Variants in DCDC2 observed in about 807,000 individuals in gnomAD.
DCDC2 encodes the protein doublecortin domain-containing protein 2.
In DCDC2, 40 loss-of-function variants were observed where a neutral mutation model predicts 50.2. That is an observed-to-expected ratio of 0.80 (90% CI 0.62 to 1.04). DCDC2 has a LOEUF of 1.04. DCDC2 is among the 50% of genes least tolerant of loss of function. The pLI, the probability that DCDC2 is intolerant of heterozygous loss-of-function variation, is 0.00. For synonymous variants in DCDC2, 234 were observed against 210.6 expected (o/e 1.11, Z -0.96); for missense variants, 570 against 581.9 (o/e 0.98, Z 0.21).
At chr6:24,265,054 A>C (rs1477226366) in intron 7 of DCDC2, among the ~76,000 whole-genome samples, 2 of 152,158 alleles carry the variant, frequency 1.3e-5, no homozygotes, top group Non-Finnish European at 2.9e-5. Flanking sequence ...TAATCCCAGC[A>C]CTGTGGGAGA....
chr6:24,372,418 CA>C, the DCDC2 span, among the ~76,000 whole-genome samples: 711 of 131,444 alleles, frequency 5.4e-3, 2 homozygotes, highest in African/African-American at 0.014. Flanking sequence ...GTCTCCGTCT[CA>C]AAAAAAAAAA....
At chr6:24,251,712 G>A (rs1169806030) in intron 7 of DCDC2, among the ~76,000 whole-genome samples, 1 of 152,082 alleles carries the variant, frequency 6.6e-6, no homozygotes, top group Non-Finnish European at 1.5e-5. Flanking sequence ...TAAAAACCTA[G>A]GATGGATTTC....
At chr6:24,328,974 T>G (rs574205016) in intron 2 of DCDC2, among the ~76,000 whole-genome samples, 1 of 152,198 alleles carries the variant, frequency 6.6e-6, no homozygotes, top group Non-Finnish European at 1.5e-5. Context: ...ATTAGTTTTT[T>G]CCAGTCTCCA....
chr6:24,287,642 C>T (rs775451965), intron 6 of DCDC2, among the ~76,000 whole-genome samples: 14 of 152,338 alleles, frequency 9.2e-5, no homozygotes, highest in African/African-American at 2.9e-4. Context: ...CGCATGCCCA[C>T]GTCTGCCCCA....
chr6:24,294,591 G>A (rs183758670), intron 4 of DCDC2, among the ~76,000 whole-genome samples: 1 of 151,954 alleles, frequency 6.6e-6, no homozygotes, highest in Admixed American at 6.6e-5. Flanking sequence ...TAATAAAGGA[G>A]AAAAGAGAGA....
intron 7 of DCDC2, among the ~76,000 whole-genome samples, chr6:24,266,852 A>C (rs1051203152): frequency 6.6e-6 from 1 of 152,168 alleles, no homozygotes; most frequent in African/African-American, 2.4e-5. Context: ...AGATATCTGC[A>C]CTCCATGTTT....
At chr6:24,229,957 A>G (rs1323236804) in intron 7 of DCDC2, among the ~76,000 whole-genome samples, 1 of 152,138 alleles carries the variant, frequency 6.6e-6, no homozygotes, top group Non-Finnish European at 1.5e-5. Flanking sequence ...TGACCCACCC[A>G]GCCTGCTCTT....
chr6:24,372,039 A>G, the DCDC2 span, among the ~76,000 whole-genome samples: 2 of 152,254 alleles, frequency 1.3e-5, no homozygotes, highest in African/African-American at 4.8e-5. Context: ...AACTAGTTCA[A>G]CCATTGTGGA....
chr6:24,224,314 A>G (rs78765800), intron 7 of DCDC2, among the ~76,000 whole-genome samples: 3,913 of 152,308 alleles, frequency 0.026, 88 homozygotes, highest in African/African-American at 0.056. Context: ...CTAAAGATAC[A>G]AAGAACCAGA....
chr6:24,269,819 G>A (rs1195940365), intron 7 of DCDC2, among the ~76,000 whole-genome samples: 1 of 151,872 alleles, frequency 6.6e-6, no homozygotes, highest in Non-Finnish European at 1.5e-5. Flanking sequence ...AGAAAAGAGG[G>A]TCTAAATGCT....
At position 24,357,617 on chromosome 6, in the gene DCDC2, T is replaced by C; in HGVS notation, c.134A>G (p.Glu45Gly). 1 of 1,613,478 alleles carries C rather than the reference T, an allele frequency of 6.2e-7. No individual in the cohort carries two copies. Among genetic ancestry groups the C allele is most frequent in the Non-Finnish European group, 8.5e-7 (1 of 1,180,038 alleles). ...GCCGGTCACCTCCTTCAGGAAGACT[T>C]CGAAGCTGGACACCTTCTTCTCATG... The part of the protein sequence containing the change: ...VIHEKKVSSF[E>G]VFLKEVTGGV... The change falls in exon 1 of 10, where the codon GAA becomes GGA. Residue 45 changes from glutamate (E) to glycine (G), a missense_variant. Glu to Gly is a moderately conservative substitution (Grantham distance 98). Transcript: ENST00000378454.
At chr6:24,190,992 G>A (rs1271091751) in intron 8 of DCDC2, among the ~76,000 whole-genome samples, 2 of 152,158 alleles carry the variant, frequency 1.3e-5, no homozygotes, top group Admixed American at 6.6e-5. Flanking sequence ...AGACAGGACC[G>A]CTGTGCTAAT....
chr6:24,358,906 TA>T (rs1167116882), upstream of DCDC2, among the ~76,000 whole-genome samples: 1 of 20,404 alleles, frequency 4.9e-5, no homozygotes, highest in Non-Finnish European at 7.1e-5. Flanking sequence ...TATAATATAT[TA>T]TATATTATAT....
chr6:24,291,128 G>T lies in DCDC2; in HGVS notation c.558-50C>A, dbSNP rs34584835. ...ATTAGAATTTTAACCAACATTTAAA[G>T]AATTGCTTAAGATTACAAAGTATTC... On this transcript the variant is annotated intron_variant, in intron 4 of 9. Transcript: ENST00000378454. The T allele has an allele frequency of 0.02, 30,911 of 1,549,398 alleles. 395 individuals are homozygous for T. Among genetic ancestry groups the T allele is most frequent in the Middle Eastern group, 0.038 (223 of 5,904 alleles).
intron 8 of DCDC2, among the ~76,000 whole-genome samples, chr6:24,179,064 G>A (rs1269529765): frequency 6.6e-6 from 1 of 152,044 alleles, no homozygotes; most frequent in Admixed American, 6.6e-5. Context: ...AAGTCTTTGT[G>A]GAAAGATTGT....
At chr6:24,337,706 G>A (rs1452731266) in intron 2 of DCDC2, among the ~76,000 whole-genome samples, 2 of 151,042 alleles carry the variant, frequency 1.3e-5, no homozygotes, top group African/African-American at 2.4e-5. Context: ...GCTGAGGCAG[G>A]AGAATCACTT....
chr6:24,305,062 A>C (rs1759446903), intron 2 of DCDC2, among the ~76,000 whole-genome samples: 1 of 152,246 alleles, frequency 6.6e-6, no homozygotes, highest in Non-Finnish European at 1.5e-5. Flanking sequence ...TTAATATGTT[A>C]TATCAATAAG....
chr6:24,302,504 C>G (rs75928212), intron 2 of DCDC2, among the ~76,000 whole-genome samples: 4,910 of 152,078 alleles, frequency 0.032, 230 homozygotes, highest in African/African-American at 0.11. Flanking sequence ...AGTGCCTGAC[C>G]CCACCCTTTT....
chr6:24,353,568 C>T lies in DCDC2; in HGVS notation c.348+1G>A, dbSNP rs1183701386. The T allele has an allele frequency of 6.4e-7, 1 of 1,556,838 alleles. No homozygotes were observed. Among genetic ancestry groups the T allele is most frequent in the Non-Finnish European group, 8.8e-7 (1 of 1,140,498 alleles). On this transcript the variant is annotated splice_donor_variant, in intron 2 of 9. Transcript: ENST00000378454. LOFTEE classifies it high-confidence loss of function. ...AATTTTCAAAATAATATTTGCATTA[C>T]CTCTGTATTAACAACTTCCATTGGT...
Sources: allele counts gnomAD v4.1 joint callset (sites outside exome capture counted in the v4.1 genomes callset), GRCh38; gene constraint gnomAD v4.1.1; transcripts MANE v1.5; gene names NCBI Gene and HGNC (gene_info 2026-07-23, HGNC 2026-07-21).